The following SOX5 variants were observed in gnomAD, a reference collection of about 807,000 sequenced individuals.
The protein encoded by SOX5 is SRY-box transcription factor 5, also known as transcription factor SOX-5.
In SOX5, 9 loss-of-function variants were observed where a neutral mutation model predicts 92.0. That is an observed-to-expected ratio of 0.10 (90% CI 0.06 to 0.17). The LOEUF (loss-of-function observed/expected upper bound fraction) is 0.17, where lower values mean the gene tolerates loss of function less well. Among genes scored for constraint, SOX5 ranks in the 10% least tolerant of loss-of-function variants. The probability of loss-of-function intolerance (pLI) is 1.00; values close to 1 mark genes in which losing one functional copy is unlikely to be tolerated. For missense variants in SOX5, 642 were observed against 944.5 expected (o/e 0.68, Z 4.20); for synonymous variants, 344 against 336.3 (o/e 1.02, Z -0.25).
Position 24,463,410 on chromosome 12 carries a change from A to G in SOX5, c.-250-94771T>C, listed in dbSNP as rs1475072767. 3.9e-5 allele frequency among the ~76,000 whole-genome samples: 6 copies of G among 152,156 alleles called. No individual in the cohort carries two copies. The East Asian group carries it at 1.2e-3, about 29-fold the overall frequency. ...TGCCTTGGATGCTCACAAATCACAC[A>G]CTATCAAGGAAACAGAATGACAAGA... On this transcript the variant is annotated intron_variant, in intron 1 of 4. Coordinates refer to the SOX5 transcript ENST00000446891.
chr12:24,200,675 T>C (rs1957432296), intron 4 of SOX5, among the ~76,000 whole-genome samples: 1 of 152,226 alleles, frequency 6.6e-6, no homozygotes, highest in Admixed American at 6.5e-5. Context: ...GGATCTTCTC[T>C]AATGCCCCAG....
At chr12:24,351,267 G>A (rs184181142) in intron 2 of SOX5, among the ~76,000 whole-genome samples, 37 of 152,150 alleles carry the variant, frequency 2.4e-4, no homozygotes, top group African/African-American at 8.4e-4. Flanking sequence ...CAGCAGTCAC[G>A]ATTCTGTACT....
chr12:24,056,934 C>T (rs1958179368), intron 4 of SOX5, among the ~76,000 whole-genome samples: 1 of 125,296 alleles, frequency 8.0e-6, no homozygotes, highest in African/African-American at 3.0e-5. Flanking sequence ...GAGATCCCGC[C>T]ACTGCACTCC....
chr12:23,637,580 G>C (rs1043238996), intron 8 of SOX5, among the ~76,000 whole-genome samples: 2 of 152,186 alleles, frequency 1.3e-5, no homozygotes, highest in African/African-American at 4.8e-5. Context: ...GAGCTGAGGA[G>C]AGAGAAGATT....
At chr12:24,478,976 G>T (rs1945680408) in intron 1 of SOX5, among the ~76,000 whole-genome samples, 1 of 152,114 alleles carries the variant, frequency 6.6e-6, no homozygotes, top group Non-Finnish European at 1.5e-5. Flanking sequence ...CCTATTATCT[G>T]GTTCCAATCT....
At chr12:24,400,053 A>G (rs1961144412) in intron 1 of SOX5, among the ~76,000 whole-genome samples, 1 of 152,208 alleles carries the variant, frequency 6.6e-6, no homozygotes, top group Non-Finnish European at 1.5e-5. Context: ...TAAACTTTCA[A>G]TCTGACCATT....
At chr12:23,834,600 T>G (rs1486108901) in intron 3 of SOX5, among the ~76,000 whole-genome samples, 1 of 151,914 alleles carries the variant, frequency 6.6e-6, no homozygotes, top group Non-Finnish European at 1.5e-5. Flanking sequence ...ACTGAAGCAG[T>G]AGAAACATTC....
chr12:24,103,322 A>G (rs1946302584), intron 4 of SOX5, among the ~76,000 whole-genome samples: 1 of 151,042 alleles, frequency 6.6e-6, no homozygotes, highest in Non-Finnish European at 1.5e-5. Flanking sequence ...CAGGATCTCA[A>G]ACATCTTTAA....
At chr12:23,702,435 T>C (rs966608849) in intron 6 of SOX5, among the ~76,000 whole-genome samples, 3 of 152,038 alleles carry the variant, frequency 2.0e-5, no homozygotes, top group Non-Finnish European at 4.4e-5. Flanking sequence ...AGTTACTAAT[T>C]ATATTTGGAC....
intron 1 of SOX5, among the ~76,000 whole-genome samples, chr12:24,539,371 T>TA (rs1394715200): frequency 6.6e-6 from 1 of 152,152 alleles, no homozygotes; most frequent in Non-Finnish European, 1.5e-5. Context: ...ATAAATCACA[T>TA]ATCATGTTAA....
chr12:23,965,026 A>G (rs1050922732), intron 4 of SOX5, among the ~76,000 whole-genome samples: 4 of 151,908 alleles, frequency 2.6e-5, no homozygotes, highest in African/African-American at 9.7e-5. Flanking sequence ...AGCAGCCCCC[A>G]GGGGGCGCGT....
chr12:24,546,406 T>A (rs1463141917), intron 1 of SOX5, among the ~76,000 whole-genome samples: 1 of 152,162 alleles, frequency 6.6e-6, no homozygotes, highest in African/African-American at 2.4e-5. Context: ...ATCTAGTGAG[T>A]ATGAGTCTGT....
At chr12:24,320,872 AAT>A (rs1555228045) in intron 2 of SOX5, among the ~76,000 whole-genome samples, 26 of 97,120 alleles carry the variant, frequency 2.7e-4, no homozygotes, top group Middle Eastern at 5.6e-3. Context: ...CTCAAAAAAA[AAT>A]AATAATAATA....
chr12:24,128,301 G>T (rs1473361534), intron 4 of SOX5, among the ~76,000 whole-genome samples: 9 of 152,170 alleles, frequency 5.9e-5, no homozygotes, highest in African/African-American at 1.9e-4. Flanking sequence ...TTCTGTGCCA[G>T]TCCCTGTGCT....
chr12:24,550,084 T>G (rs990241798), intron 1 of SOX5, among the ~76,000 whole-genome samples: 1 of 152,394 alleles, frequency 6.6e-6, no homozygotes, highest in East Asian at 1.9e-4. Flanking sequence ...TGCCGTTTGC[T>G]AGCTATGCTA....
intron 1 of SOX5, among the ~76,000 whole-genome samples, chr12:24,427,496 G>C (rs1201446592): frequency 1.3e-5 from 2 of 152,194 alleles, no homozygotes; most frequent in Non-Finnish European, 2.9e-5. Context: ...CTAAAAATTA[G>C]ATGGCTGAAT....
chr12:24,507,759 A>C (rs1203237727), intron 1 of SOX5, among the ~76,000 whole-genome samples: 3 of 152,182 alleles, frequency 2.0e-5, no homozygotes, highest in Admixed American at 6.5e-5. Flanking sequence ...GGTATCTTGA[A>C]TTTGCTTTAA....
At chr12:24,095,152 GAGAGACAGAGAC>G (rs1555507687) in intron 4 of SOX5, among the ~76,000 whole-genome samples, 1 of 137,574 alleles carries the variant, frequency 7.3e-6, no homozygotes, top group African/African-American at 2.6e-5. Context: ...GAGAGAGAGA[GAGAGACAGAGAC>G]AGAGAGACAG....
chr12:23,596,036 G>A (rs1265475156), intron 9 of SOX5, among the ~76,000 whole-genome samples: 2 of 152,172 alleles, frequency 1.3e-5, no homozygotes, highest in African/African-American at 2.4e-5. Context: ...TTGAGACTGG[G>A]TTATTGTGTC....
Sources: allele counts gnomAD v4.1 joint callset (sites outside exome capture counted in the v4.1 genomes callset), GRCh38; gene constraint gnomAD v4.1.1; transcripts MANE v1.5; gene names NCBI Gene and HGNC (gene_info 2026-07-23, HGNC 2026-07-21).